Variants in DNAAF5 observed in about 807,000 individuals in gnomAD.
The protein encoded by DNAAF5 is HEAT repeat containing 2.
A neutral mutation model predicts 75.8 loss-of-function variants in DNAAF5; 64 were observed. The ratio of observed to expected loss-of-function variants is 0.84; its 90% confidence interval spans 0.69 to 1.04. DNAAF5 has a LOEUF of 1.04. Among genes scored for constraint, DNAAF5 ranks in the 50% least tolerant of loss-of-function variants. The pLI is 0.00. For missense variants in DNAAF5, 1,269 were observed against 1,178.5 expected (o/e 1.08, Z -1.12); for synonymous variants, 657 against 557.2 (o/e 1.18, Z -2.52).
intron 6 of DNAAF5, among the ~76,000 whole-genome samples, chr7:760,793 G>A (rs1274206123): frequency 2.6e-5 from 4 of 152,224 alleles, no homozygotes; most frequent in Non-Finnish European, 5.9e-5. Context: ...GGGAGGGGAA[G>A]CCATTCATCC....
At chr7:735,719 C>T (rs1781722807) in intron 2 of DNAAF5, among the ~76,000 whole-genome samples, 2 of 152,078 alleles carry the variant, frequency 1.3e-5, no homozygotes, top group African/African-American at 4.8e-5. Flanking sequence ...GTTGATTTTG[C>T]TTGTCCAAAA....
chr7:729,487 G>C (rs980575289), intron 1 of DNAAF5, among the ~76,000 whole-genome samples, 176 bp from the exon 2 acceptor site: 1 of 152,236 alleles, frequency 6.6e-6, no homozygotes, highest in Non-Finnish European at 1.5e-5. Flanking sequence ...GTGCCGGGCG[G>C]TACAGAGCTC....
chr7:734,165 C>A (rs73049879), intron 2 of DNAAF5, among the ~76,000 whole-genome samples: 24,348 of 152,222 alleles, frequency 0.16, 2,393 homozygotes, highest in Middle Eastern at 0.28. Flanking sequence ...AAGCGAGCAT[C>A]CTTGTCTTGC....
At position 727,052 on chromosome 7, in the gene DNAAF5, G is replaced by C; in HGVS notation, c.332G>C (p.Arg111Pro). ...DLGLRRAARP[R>P]DALPRLLPAL... ...GGCCTGCGCCGCGCCGCGCGGCCCC[G>C]CGATGCCCTGCCGCGCCTGCTGCCC... Residue 111 changes from arginine to proline, a missense_variant, in exon 1 of 13, where the codon CGC becomes CCC. Arg to Pro is a moderately radical substitution (Grantham distance 103, BLOSUM62 -2). Coordinates refer to ENST00000297440, the MANE Select transcript of DNAAF5 (RefSeq NM_017802.4). The C allele has an allele frequency of 9.2e-7, 1 of 1,086,298 alleles. No individual in the cohort carries two copies. The highest frequency in any genetic ancestry group is 1.1e-6 in the Non-Finnish European group (1 of 896,852). The allele number at this position is 1,086,298 out of a possible 1,614,324, so 67.3% of individuals were successfully genotyped here. A position where few individuals can be genotyped will look rare whatever the true frequency, so the allele number is the denominator to read the frequency against.
At chr7:784,307 C>G (rs1338995792) in intron 12 of DNAAF5, among the ~76,000 whole-genome samples, 1 of 152,218 alleles carries the variant, frequency 6.6e-6, no homozygotes, top group African/African-American at 2.4e-5. Context: ...GGCCTCAGCT[C>G]CACACACAAG....
chr7:769,495 G>C (rs1457337411), intron 8 of DNAAF5, among the ~76,000 whole-genome samples: 1 of 152,188 alleles, frequency 6.6e-6, no homozygotes, highest in Non-Finnish European at 1.5e-5. Context: ...GAGCAGCCAC[G>C]GTGCAGGAGC....
chr7:780,513 G>A (rs1437457070), intron 12 of DNAAF5, among the ~76,000 whole-genome samples: 1 of 152,234 alleles, frequency 6.6e-6, no homozygotes, highest in Non-Finnish European at 1.5e-5. Flanking sequence ...GTAGCTTGAT[G>A]GAAGACACTG....
intron 4 of DNAAF5, among the ~76,000 whole-genome samples, chr7:753,438 G>T: frequency 6.6e-6 from 1 of 152,248 alleles, no homozygotes. Context: ...ATCCAGGGGT[G>T]CCGGGGTGCC....
intron 7 of DNAAF5, among the ~76,000 whole-genome samples, chr7:762,217 A>C (rs1157605459): frequency 6.6e-6 from 1 of 152,164 alleles, no homozygotes; most frequent in East Asian, 1.9e-4. Flanking sequence ...TGGGCGTGGC[A>C]TCTCACGCCT....
intron 4 of DNAAF5, among the ~76,000 whole-genome samples, chr7:747,065 G>A (rs958493847): frequency 6.6e-6 from 1 of 152,212 alleles, no homozygotes; most frequent in Non-Finnish European, 1.5e-5. Context: ...CTAGTTTTTG[G>A]CCATCACAGG....
chr7:754,485 G>T lies in DNAAF5; in HGVS notation c.1025-104G>T, dbSNP rs181497093. ...ACCCCAAGACTTGTTTTGAAATGGT[G>T]AGGTTGAAACTCACAGGTGTCCCTT... On this transcript the variant is annotated intron_variant, in intron 4 of 12. Transcript: ENST00000297440. The surrounding 1 kb of genome is among the most constrained non-coding windows in gnomAD (Gnocchi z 4.8). 8.6e-4 allele frequency: 800 copies of T among 929,858 alleles called. 8 individuals carry two copies. The African/African-American group carries it at 0.012, about 14-fold the overall frequency. 57.6% of individuals were successfully genotyped at this position (929,858 alleles called of 1,614,324 possible).
In DNAAF5 at chr7:768,025, G is replaced by T. The variant is rs182670221; in HGVS notation, c.1784-2446G>T. Among the ~76,000 whole-genome samples the T allele has an allele frequency of 5.0e-3, 760 of 151,626 alleles. 4 individuals are homozygous for T. The highest frequency in any genetic ancestry group is 7.0e-3 in the Non-Finnish European group (477 of 67,822). On this transcript the variant is annotated intron_variant, in intron 8 of 12. Transcript: ENST00000297440. ...CCGGGCGGAAGTGTCCTTGCAGCGA[G>T]CAGGAGCTGGCGCTGGGAGGGCAGA...
Position 729,725 on chromosome 7 carries a change from C to T in DNAAF5, c.658C>T (p.His220Tyr). ...CCTGATGCAGACCATCTCCCACCAG[C>T]ACTGGAAGGTCCGTGTGGCCGCCAT... Reference protein sequence around the residue: ...GPLMQTISHQHWKVRVAAIEA... With the variant: ...GPLMQTISHQYWKVRVAAIEA... The change falls in exon 2 of 13, where the codon CAC becomes TAC. Residue 220 changes from histidine to tyrosine, a missense_variant. By Grantham distance (83) the His-to-Tyr change is moderately conservative (BLOSUM62 2). Transcript: ENST00000297440. 6.2e-7 allele frequency: 1 copy of T among 1,614,144 alleles called. No individual in the cohort carries two copies. The highest frequency in any genetic ancestry group is 8.5e-7 in the Non-Finnish European group (1 of 1,180,038).
chr7:774,837 G>A (rs1442930954), intron 10 of DNAAF5, among the ~76,000 whole-genome samples, 169 bp from the exon 11 acceptor site: 1 of 152,194 alleles, frequency 6.6e-6, no homozygotes, highest in Admixed American at 6.5e-5. Context: ...AAGTAAGCAA[G>A]TTAAAAATTG....
intron 12 of DNAAF5, among the ~76,000 whole-genome samples, chr7:784,326 C>T (rs1297236233): frequency 6.6e-6 from 1 of 152,216 alleles, no homozygotes; most frequent in East Asian, 1.9e-4. Context: ...AGTGCAGCTG[C>T]CTGGTGCCGA....
intron 11 of DNAAF5, chr7:778,520 C>G (rs1418950141): frequency 6.6e-6 from 1 of 152,346 alleles, no homozygotes; most frequent in Admixed American, 6.5e-5. Flanking sequence ...ATGAAAGGAA[C>G]CCTAAACTGG....
intron 8 of DNAAF5, chr7:769,241 TC>T (rs1357030650): frequency 1.3e-6 from 1 of 750,298 alleles, no homozygotes; most frequent in African/African-American, 1.7e-5. Context: ...CAGTGGACGC[TC>T]CCTCTACACT....
chr7:727,863 C>T (rs1781412610), intron 1 of DNAAF5, among the ~76,000 whole-genome samples: 1 of 151,060 alleles, frequency 6.6e-6, no homozygotes, highest in Non-Finnish European at 1.5e-5. Flanking sequence ...CGCTTCTGTC[C>T]AGATACCTGG....
chr7:729,514 T>C, intron 1 of DNAAF5, 149 bp from the exon 2 acceptor site: 2 of 704,944 alleles, frequency 2.8e-6, no homozygotes, highest in Non-Finnish European at 4.7e-6. Context: ...GCAGCCTGGA[T>C]TGTGTACTGT....
Sources: gnomAD v4.1 joint callset for allele counts (sites outside exome capture counted in the v4.1 genomes callset) on GRCh38, gnomAD v4.1.1 for gene constraint, Gnocchi (gnomAD v3.1) non-coding constraint, MANE v1.5 for transcripts, NCBI Gene and HGNC (gene_info 2026-07-23, HGNC 2026-07-21) for gene names.